The following DCHS2 variants were observed in gnomAD, a reference collection of about 807,000 sequenced individuals.
The protein encoded by DCHS2 is protocadherin-23.
In DCHS2, 142 loss-of-function variants were observed where a neutral mutation model predicts 182.4. That is an observed-to-expected ratio of 0.78 (90% CI 0.68 to 0.89). The LOEUF (loss-of-function observed/expected upper bound fraction) is 0.89. DCHS2 is among the 40% of genes least tolerant of loss of function. DCHS2 has a pLI of 0.00. For synonymous variants in DCHS2, 1,740 were observed against 1,663.3 expected (o/e 1.05, Z -1.12); for missense variants, 4,319 against 4,198.6 (o/e 1.03, Z -0.79).
chr4:154,329,465 G>C, intron 6 of DCHS2, 58 bp downstream of exon 6: 3 of 1,502,584 alleles, frequency 2.0e-6, no homozygotes, highest in Non-Finnish European at 2.7e-6. Context: ...CCACAAGATG[G>C]TGCTCAAAAC....
At chr4:154,465,521 T>C (rs138592721) in intron 1 of DCHS2, among the ~76,000 whole-genome samples, 3,987 of 152,022 alleles carry the variant, frequency 0.026, 193 homozygotes, top group African/African-American at 0.089. Context: ...ATGCAAAAAT[T>C]AGCCAGGCAT....
At chr4:154,335,204 T>G (rs376408482) in intron 3 of DCHS2, 100 bp from the exon 4 acceptor site, 3 of 817,062 alleles carry the variant, frequency 3.7e-6, no homozygotes, top group Middle Eastern at 3.2e-4. Context: ...TGATGTTTTA[T>G]TTTATGTGTT....
intron 10 of DCHS2, among the ~76,000 whole-genome samples, chr4:154,310,438 T>C (rs1735626608): frequency 6.6e-6 from 1 of 152,198 alleles, no homozygotes. Flanking sequence ...TAGGTCTTCT[T>C]TTGAATACTA....
chr4:154,483,320 A>T (rs1440279541), intron 1 of DCHS2, among the ~76,000 whole-genome samples: 1 of 152,190 alleles, frequency 6.6e-6, no homozygotes, highest in Non-Finnish European at 1.5e-5. Flanking sequence ...ACCAAATCAA[A>T]GGCTGAGAAA....
In DCHS2 at chr4:154,358,731, C is replaced by T. The variant is rs373397933; in HGVS notation, c.2476+7479G>A. Among the ~76,000 whole-genome samples the T allele has an allele frequency of 8.6e-5, 13 of 151,800 alleles. No homozygotes were observed. The East Asian group carries it at 9.6e-4, about 11-fold the overall frequency. On this transcript the variant is annotated intron_variant, in intron 3 of 19. Transcript: ENST00000357232. ...TTAAACATTTATATATAAACAGGAG[C>T]TAGAAAACCTATTTACTTGAATCTA...
intron 3 of DCHS2, among the ~76,000 whole-genome samples, chr4:154,346,440 A>G (rs140031149): frequency 6.6e-5 from 10 of 152,342 alleles, no homozygotes; most frequent in African/African-American, 2.4e-4. Context: ...CAGAGAGGGA[A>G]AATCATCCCA....
intron 3 of DCHS2, among the ~76,000 whole-genome samples, chr4:154,361,636 G>A (rs555202429): frequency 6.6e-6 from 1 of 151,954 alleles, no homozygotes; most frequent in African/African-American, 2.4e-5. Flanking sequence ...CTCTCTCGTG[G>A]CGCCTAAACA....
At chr4:154,339,295 T>C (rs554802159) in intron 3 of DCHS2, among the ~76,000 whole-genome samples, 1 of 152,274 alleles carries the variant, frequency 6.6e-6, no homozygotes, top group African/African-American at 2.4e-5. Context: ...TAGATGATGC[T>C]CACCCATTCT....
At chr4:154,383,534 A>G (rs1010082717) in intron 1 of DCHS2, among the ~76,000 whole-genome samples, 1 of 152,344 alleles carries the variant, frequency 6.6e-6, no homozygotes, top group East Asian at 1.9e-4. Flanking sequence ...CCTTCATATT[A>G]ACATCTAGGT....
At chr4:154,239,651 G>A (rs927830621) in intron 18 of DCHS2, among the ~76,000 whole-genome samples, 10 of 152,124 alleles carry the variant, frequency 6.6e-5, no homozygotes, top group Admixed American at 3.9e-4. Flanking sequence ...TGGGACTACA[G>A]GTACCTATCA....
chr4:154,308,555 G>T (rs1034276596), intron 10 of DCHS2, among the ~76,000 whole-genome samples: 1 of 152,142 alleles, frequency 6.6e-6, no homozygotes, highest in African/African-American at 2.4e-5. Context: ...TACTGGAAAG[G>T]CACCACTGAA....
intron 16 of DCHS2, 105 bp from the exon 17 acceptor site, chr4:154,242,877 C>T (rs761050187): frequency 8.0e-6 from 11 of 1,383,280 alleles, no homozygotes; most frequent in Non-Finnish European, 1.0e-5. Flanking sequence ...AGCTGACTAG[C>T]TACTTTTATT....
At position 154,489,438 on chromosome 4, in the gene DCHS2, C is replaced by T; in HGVS notation, c.1918G>A (p.Glu640Lys). Residue 640 changes from glutamate (E) to lysine (K), a missense_variant, in exon 1 of 20, where the codon GAG (glutamate) becomes AAG (lysine). Physicochemically the swap from Glu to Lys is moderately conservative, Grantham distance 56. Coordinates refer to ENST00000357232, the MANE Select transcript of DCHS2 (RefSeq NM_001358235.2). ...ELKVVAQDLG[E>K]PPLSATCLVS... ...AGGCAGGTGGCAGAGAGTGGGGGCT[C>T]TCCGAGGTCCTGGGCCACCACTTTC... 1 of 1,551,748 alleles carries T rather than the reference C, an allele frequency of 6.4e-7. No individual in the cohort carries two copies. The highest frequency in any genetic ancestry group is 1.2e-5 in the South Asian group (1 of 84,052).
intron 13 of DCHS2, among the ~76,000 whole-genome samples, chr4:154,281,199 G>A (rs1734128149): frequency 6.6e-6 from 1 of 151,208 alleles, no homozygotes; most frequent in South Asian, 2.1e-4. Context: ...ACAAGAGAAA[G>A]AAGAAGAAGA....
At chr4:154,324,400 G>T (rs563633082) in intron 7 of DCHS2, among the ~76,000 whole-genome samples, 2 of 152,192 alleles carry the variant, frequency 1.3e-5, no homozygotes, top group Middle Eastern at 3.4e-3. Context: ...AAGGACTCCT[G>T]GTTCCTTTGG....
Position 154,490,389 on chromosome 4 carries a change from G to T in DCHS2, c.967C>A (p.Arg323Ser), listed in dbSNP as rs1329942817. 2 of 1,533,594 alleles carry T rather than the reference G, an allele frequency of 1.3e-6. No individual in the cohort carries two copies. The highest frequency in any genetic ancestry group is 1.2e-5 in the South Asian group (1 of 83,742). 95.0% of individuals were successfully genotyped at this position (1,533,594 alleles called of 1,614,324 possible). ...ACGAAGCCATTGGGCCCCAGGTCGC[G>T]GTCGGTGGCGCGCACGCGACAGACC... is the stretch of plus-strand genomic sequence containing the variant. ...AEVCRVRATD[R>S]DLGPNGFVRY... Residue 323 changes from arginine (R) to serine (S), a missense_variant, in exon 1 of 20, where the codon CGC (arginine) becomes AGC (serine). Transcript: ENST00000357232.
chr4:154,234,581 A>T lies in DCHS2; in HGVS notation c.10071T>A (p.Ser3357Arg), dbSNP rs1448423276. 6.2e-7 allele frequency: 1 copy of T among 1,613,732 alleles called. No individual in the cohort carries two copies. Among genetic ancestry groups the T allele is most frequent in the East Asian group, 2.2e-5 (1 of 44,852 alleles). ...REGELLGTHI[S>R]GTCHELKAED... ...CTGCTTTAAGTTCATGGCATGTACC[A>T]CTGATGTGTGTTCCTAATAATTCTC... Residue 3357 changes from serine (S) to arginine (R), a missense_variant, in exon 20 of 20, where the codon AGT becomes AGA. Physicochemically the swap from Ser to Arg is moderately radical, Grantham distance 110 (BLOSUM62 -1). Transcript: ENST00000357232.
intron 14 of DCHS2, among the ~76,000 whole-genome samples, chr4:154,268,108 A>T (rs530021938): frequency 7.2e-5 from 11 of 151,946 alleles, no homozygotes; most frequent in South Asian, 2.1e-4. Context: ...ACTAGCACAA[A>T]TTTTTTTTTC....
intron 1 of DCHS2, among the ~76,000 whole-genome samples, chr4:154,380,081 G>A (rs529323820): frequency 1.3e-5 from 2 of 152,068 alleles, no homozygotes; most frequent in African/African-American, 4.8e-5. Flanking sequence ...TCACAACAAA[G>A]AATTATCTGA....
Sources: allele counts gnomAD v4.1 joint callset (sites outside exome capture counted in the v4.1 genomes callset), GRCh38; gene constraint gnomAD v4.1.1; transcripts MANE v1.5; gene names NCBI Gene and HGNC (gene_info 2026-07-23, HGNC 2026-07-21).